USH2A: variants seen among roughly 807,000 people sequenced by gnomAD.
The protein encoded by USH2A is usherin.
USH2A carries 443 observed loss-of-function variants against 538.9 expected under a neutral mutation model. The ratio of observed to expected loss-of-function variants is 0.82; its 90% confidence interval spans 0.76 to 0.89. The LOEUF is 0.89. Among genes scored for constraint, USH2A ranks in the 40% least tolerant of loss-of-function variants. USH2A has a pLI of 0.00. For missense variants in USH2A, 6,633 were observed against 6,324.8 expected (o/e 1.05, Z -1.65); for synonymous variants, 2,413 against 2,273.5 (o/e 1.06, Z -1.75).
intron 37 of USH2A, among the ~76,000 whole-genome samples, chr1:215,942,795 A>G (rs1295442603): frequency 6.6e-6 from 1 of 152,164 alleles, no homozygotes; most frequent in East Asian, 1.9e-4. Context: ...AATCCTCTCC[A>G]ATATGTAGAG....
At chr1:215,836,565 A>AATATATATATATATATATATATATATT (rs1663536970) in intron 47 of USH2A, among the ~76,000 whole-genome samples, 1 of 32,868 alleles carries the variant, frequency 3.0e-5, no homozygotes, top group Non-Finnish European at 5.8e-5. Context: ...ATATATATAT[A>AATATATATATATATATATATATATATT]TTTTTTTTTG....
intron 61 of USH2A, among the ~76,000 whole-genome samples, chr1:215,690,153 C>A (rs1658554794): frequency 6.6e-6 from 1 of 152,180 alleles, no homozygotes; most frequent in Admixed American, 6.5e-5. Context: ...CAATCTGACT[C>A]TTCTTTCCAG....
At chr1:215,865,106 A>T (rs1183202971) in intron 44 of USH2A, among the ~76,000 whole-genome samples, 2 of 152,294 alleles carry the variant, frequency 1.3e-5, no homozygotes, top group African/African-American at 4.8e-5. Flanking sequence ...CAACAATTTA[A>T]AATTAAAATT....
chr1:215,741,526 C>T lies in USH2A; in HGVS notation c.11560G>A (p.Val3854Ile). 6.2e-7 allele frequency: 1 copy of T among 1,611,270 alleles called. No homozygotes were observed. The highest frequency in any genetic ancestry group is 8.5e-7 in the Non-Finnish European group (1 of 1,179,246). ...IQACQNGSCG[V>I]SSRMFVKTPE... ...GTTTTGACAAACATCCTACTGCTAA[C>T]TCCACAACTTCCTTGAAAAAAAAAA... Residue 3854 changes from valine to isoleucine, a missense_variant, in exon 60 of 72, where the codon GTT (valine) becomes ATT (isoleucine). Transcript: ENST00000307340.
At chr1:216,360,710 T>TAC (rs35618005) in intron 4 of USH2A, among the ~76,000 whole-genome samples, 59,435 of 151,648 alleles carry the variant, frequency 0.39, 13,032 homozygotes, top group African/African-American at 0.61. Flanking sequence ...TCTAAAAAAA[T>TAC]AGTCTATTAA....
intron 21 of USH2A, among the ~76,000 whole-genome samples, chr1:216,121,208 C>T (rs998343976): frequency 7.4e-6 from 1 of 136,000 alleles, no homozygotes; most frequent in Non-Finnish European, 1.6e-5. Context: ...AAAATTGTTT[C>T]CAATGTAAGA....
At chr1:216,009,134 T>C (rs530631485) in intron 32 of USH2A, among the ~76,000 whole-genome samples, 19 of 151,976 alleles carry the variant, frequency 1.3e-4, no homozygotes, top group Non-Finnish European at 2.5e-4. Context: ...TATATCTCTG[T>C]GCCCCAATCC....
At chr1:216,123,768 T>C (rs2033185710) in intron 21 of USH2A, among the ~76,000 whole-genome samples, 1 of 152,148 alleles carries the variant, frequency 6.6e-6, no homozygotes, top group Non-Finnish European at 1.5e-5. Flanking sequence ...ATAATATATA[T>C]AACACATAGA....
At chr1:216,029,532 CAATGA>C (rs1669042208) in intron 32 of USH2A, among the ~76,000 whole-genome samples, 1 of 151,842 alleles carries the variant, frequency 6.6e-6, no homozygotes, top group Non-Finnish European at 1.5e-5. Context: ...ATCTCAAGCA[CAATGA>C]AATATTTGTG....
At position 216,246,631 on chromosome 1, in the gene USH2A, C is replaced by T. The variant is rs2102544997; in HGVS notation, c.2763G>A (p.Leu921=). 1 of 1,614,114 alleles carries T rather than the reference C, an allele frequency of 6.2e-7. No homozygotes were observed. Among genetic ancestry groups the T allele is most frequent in the Non-Finnish European group, 8.5e-7 (1 of 1,179,978 alleles). Residue 921 remains leucine, a synonymous_variant, in exon 13 of 72, where the codon CTG becomes CTA. Transcript: ENST00000307340. The part of the protein sequence containing the change: ...TICDPISGQC[L]CVPNRQGRRC... ...TTCTTCCTTGACGATTAGGCACACA[C>T]AGGCACTGGCCACTGATTGGGTCAC...
intron 46 of USH2A, 141 bp from the exon 47 acceptor site, chr1:215,838,244 T>A: frequency 2.8e-6 from 2 of 725,992 alleles, no homozygotes; most frequent in Non-Finnish European, 4.8e-6. Context: ...AATATTCATT[T>A]TTGATGTTAA....
intron 47 of USH2A, among the ~76,000 whole-genome samples, chr1:215,833,805 A>T (rs1475174855): frequency 6.6e-6 from 1 of 152,058 alleles, no homozygotes; most frequent in Non-Finnish European, 1.5e-5. Context: ...TGTGACAAAA[A>T]CTCAAATCCA....
chr1:216,062,703 G>A (rs2031225068), intron 30 of USH2A, among the ~76,000 whole-genome samples: 1 of 152,112 alleles, frequency 6.6e-6, no homozygotes, highest in South Asian at 2.1e-4. Flanking sequence ...GGCATAGGCG[G>A]AATTTGACCT....
At chr1:216,392,085 A>T (rs2039119981) in intron 3 of USH2A, among the ~76,000 whole-genome samples, 1 of 152,214 alleles carries the variant, frequency 6.6e-6, no homozygotes, top group Non-Finnish European at 1.5e-5. Flanking sequence ...AATTTTTAAC[A>T]TGCTATGTAA....
chr1:215,767,526 A>G (rs1470363232), intron 55 of USH2A, among the ~76,000 whole-genome samples: 1 of 152,118 alleles, frequency 6.6e-6, no homozygotes, highest in Non-Finnish European at 1.5e-5. Context: ...TAATTTGGAG[A>G]AGAGATGGTG....
At chr1:215,799,243 A>G in intron 49 of USH2A, 118 bp from the exon 50 acceptor site, 1 of 1,223,268 alleles carries the variant, frequency 8.2e-7, no homozygotes, top group Non-Finnish European at 1.2e-6. Flanking sequence ...ATTACTAAAG[A>G]GAATAATATC....
intron 4 of USH2A, among the ~76,000 whole-genome samples, chr1:216,363,979 T>C (rs1242945050): frequency 6.6e-6 from 1 of 151,488 alleles, no homozygotes; most frequent in African/African-American, 2.4e-5. Flanking sequence ...GATAGAAATA[T>C]GGAAAATACT....
chr1:215,761,830 C>T (rs1325766968), intron 56 of USH2A, among the ~76,000 whole-genome samples: 1 of 152,112 alleles, frequency 6.6e-6, no homozygotes, highest in African/African-American at 2.4e-5. Context: ...TCTAGTTATA[C>T]TCTGATTAGA....
chr1:215,721,060 C>T (rs1009945517), intron 61 of USH2A, among the ~76,000 whole-genome samples: 1 of 151,526 alleles, frequency 6.6e-6, no homozygotes, highest in African/African-American at 2.4e-5. Flanking sequence ...TTAATTTAGA[C>T]TGGAGTTTTT....
Sources: allele counts gnomAD v4.1 joint callset (sites outside exome capture counted in the v4.1 genomes callset), GRCh38; gene constraint gnomAD v4.1.1; transcripts MANE v1.5; gene names NCBI Gene and HGNC (gene_info 2026-07-23, HGNC 2026-07-21).